Variants in ARHGAP35 observed in about 807,000 individuals in gnomAD.
ARHGAP35 encodes the protein Rho GTPase activating protein 35, also known as rho GTPase-activating protein 35.
Under a neutral mutation model 111.1 loss-of-function variants are expected in ARHGAP35, and 15 were observed. The ratio of observed to expected loss-of-function variants is 0.13; its 90% CI spans 0.09 to 0.21. The LOEUF (loss-of-function observed/expected upper bound fraction) is 0.21, where lower values mean the gene tolerates loss of function less well. Among genes scored for constraint, ARHGAP35 ranks in the 10% least tolerant of loss-of-function variants. ARHGAP35 has a pLI of 1.00. For synonymous variants in ARHGAP35, 643 were observed against 710.3 expected, an observed-to-expected ratio of 0.91 and a Z score of 1.51; for missense variants, 1,262 against 1,873.0, an observed-to-expected ratio of 0.67 and a Z score of 6.02.
At position 46,989,252 on chromosome 19, in the gene ARHGAP35, A is replaced by G. The variant is rs553235111; in HGVS notation, c.3905-292A>G. Reference sequence around the variant, plus strand: ...GAAGAGGCAACAGCATATCAAAGCCAGATGAAGGCAAGCTCCTGGCACCAA... The same window carrying G: ...GAAGAGGCAACAGCATATCAAAGCCGGATGAAGGCAAGCTCCTGGCACCAA... On this transcript the variant is annotated intron_variant, in intron 4 of 6. Transcript: ENST00000672722. This position sits in a 1 kb window ranked among gnomAD's most constrained non-coding sequence, Gnocchi z 5.3. 4 of 306,854 alleles carry G rather than the reference A, an allele frequency of 1.3e-5. No homozygotes were observed. Among genetic ancestry groups the G allele is most frequent in the Middle Eastern group, 1.1e-3 (1 of 942 alleles). The allele number at this position is 306,854 out of a possible 1,614,324, so 19.0% of individuals were successfully genotyped here.
At chr19:46,990,310 C>T (rs916636268) in intron 5 of ARHGAP35, among the ~76,000 whole-genome samples, 2 of 152,212 alleles carry the variant, frequency 1.3e-5, no homozygotes, top group African/African-American at 4.8e-5. Context: ...TTGTTCCTGC[C>T]CCAGCCTGCC....
intron 1 of ARHGAP35, among the ~76,000 whole-genome samples, chr19:46,906,079 G>A (rs1361070538): frequency 2.6e-5 from 4 of 152,040 alleles, no homozygotes; most frequent in African/African-American, 9.7e-5. Context: ...CACTTTGGGA[G>A]GCCAAGGCAA....
intron 3 of ARHGAP35, among the ~76,000 whole-genome samples, chr19:46,983,629 T>C: frequency 6.8e-6 from 1 of 147,468 alleles, no homozygotes; most frequent in Non-Finnish European, 1.5e-5. Context: ...TTTTTTTTTT[T>C]TTGAGACAGA....
At chr19:46,979,968 C>T (rs926131329) in intron 3 of ARHGAP35, among the ~76,000 whole-genome samples, 8 of 152,090 alleles carry the variant, frequency 5.3e-5, no homozygotes, top group South Asian at 2.1e-4. Flanking sequence ...GGGGGAGCTG[C>T]GGGGACTCGT....
chr19:46,902,046 G>A (rs2056085519), intron 1 of ARHGAP35, among the ~76,000 whole-genome samples: 3 of 152,316 alleles, frequency 2.0e-5, no homozygotes, highest in African/African-American at 7.2e-5. Context: ...GGCACTGTAA[G>A]TGGCTTTTTA....
intron 1 of ARHGAP35, among the ~76,000 whole-genome samples, chr19:46,888,902 A>G (rs1280243671): frequency 6.6e-6 from 1 of 151,608 alleles, no homozygotes; most frequent in Non-Finnish European, 1.5e-5. Context: ...CCAGCTACTC[A>G]GGAGGCTGAG....
chr19:46,944,401 C>T (rs2056366738), intron 3 of ARHGAP35, among the ~76,000 whole-genome samples: 1 of 152,068 alleles, frequency 6.6e-6, no homozygotes, highest in Admixed American at 6.6e-5. Flanking sequence ...TCCCAGTCTC[C>T]AGGAGTCATC....
chr19:46,988,175 C>A lies in ARHGAP35; in HGVS notation c.3904+109C>A. ...CGGAGCACTCCTGCCAGCACAGACC[C>A]AAAGCCACGAGGTGCTGAGACTGAG... is the stretch of plus-strand genomic sequence containing the variant. On this transcript the variant is annotated intron_variant, in intron 4 of 6. Coordinates refer to ENST00000672722, the MANE Select transcript of ARHGAP35 (RefSeq NM_004491.5). This position sits in a 1 kb window ranked among gnomAD's most constrained non-coding sequence, Gnocchi z 5.4. The A allele has an allele frequency of 9.6e-7, 1 of 1,039,178 alleles. No individual in the cohort carries two copies. Among genetic ancestry groups the A allele is most frequent in the Non-Finnish European group, 1.4e-6 (1 of 694,614 alleles). 64.4% of individuals were successfully genotyped at this position (1,039,178 alleles called of 1,614,324 possible).
At chr19:46,975,105 C>T (rs749740835) in intron 3 of ARHGAP35, among the ~76,000 whole-genome samples, 2 of 152,046 alleles carry the variant, frequency 1.3e-5, no homozygotes, top group African/African-American at 2.4e-5. Flanking sequence ...CTCCTGACCT[C>T]GTGATCGGCC....
intron 3 of ARHGAP35, among the ~76,000 whole-genome samples, chr19:46,943,116 C>T (rs551941669): frequency 6.6e-6 from 1 of 152,016 alleles, no homozygotes; most frequent in Non-Finnish European, 1.5e-5. Flanking sequence ...TCGTAGCTCA[C>T]GGCAGCCTCT....
chr19:46,952,256 C>CA lies in ARHGAP35; in HGVS notation c.3826+14851dup, dbSNP rs2056416935. Reference sequence around the variant, plus strand: ...ATAGAATATTAAAACTATGAATACTCAAAGTTCTGAATGAGTGTGTCATTT... The same window carrying CA: ...ATAGAATATTAAAACTATGAATACTCAAAAGTTCTGAATGAGTGTGTCATTT... On this transcript the variant is annotated intron_variant, in intron 3 of 6. Transcript: ENST00000672722. Among the ~76,000 whole-genome samples, 6 of 151,982 alleles carry CA rather than the reference C, an allele frequency of 3.9e-5. No homozygotes were observed. The South Asian group carries it at 1.2e-3, about 32-fold the overall frequency.
chr19:46,943,939 C>A (rs949743808), intron 3 of ARHGAP35, among the ~76,000 whole-genome samples: 2 of 152,102 alleles, frequency 1.3e-5, no homozygotes, highest in Non-Finnish European at 2.9e-5. Flanking sequence ...AGGAGGGTGG[C>A]ATAGCCATTG....
chr19:46,919,482 G>T lies in ARHGAP35; in HGVS notation c.807G>T (p.Gln269His). ...AAGCTCTCAAGCAGCAGAGTCAGCA[G>T]ATAGCTACAGCAAAAGACAAGTATG... ...YFEALKQQSQ[Q>H]IATAKDKYEW... Residue 269 changes from glutamine (Q) to histidine (H), a missense_variant, in exon 2 of 7, where the codon CAG (glutamine) becomes CAT (histidine). Physicochemically the swap from Gln to His is conservative, Grantham distance 24. Transcript: ENST00000672722. This position sits in a 1 kb window ranked among gnomAD's most constrained non-coding sequence, Gnocchi z 6.2. 6.2e-7 allele frequency: 1 copy of T among 1,613,976 alleles called. No homozygotes were observed. Among genetic ancestry groups the T allele is most frequent in the Non-Finnish European group, 8.5e-7 (1 of 1,179,882 alleles).
At chr19:46,973,296 G>A (rs1256544978) in intron 3 of ARHGAP35, among the ~76,000 whole-genome samples, 10 of 152,152 alleles carry the variant, frequency 6.6e-5, no homozygotes, top group African/African-American at 2.2e-4. Context: ...CCTGGGAGGC[G>A]GAGGTTGCAG....
chr19:46,997,505 G>A (rs17716371), intron 5 of ARHGAP35: 32,265 of 152,066 alleles, frequency 0.21, 3,812 homozygotes, highest in Non-Finnish European at 0.28. Flanking sequence ...AGGTGTCACC[G>A]AATGAAGGAG....
In ARHGAP35 at chr19:46,874,897, C is replaced by T. The variant is rs1031137637; in HGVS notation, c.-189+13688C>T. Among the ~76,000 whole-genome samples the T allele has an allele frequency of 5.3e-5, 8 of 149,614 alleles. 1 individual carries two copies. Among genetic ancestry groups the T allele is most frequent in the Admixed American group, 1.3e-4 (2 of 14,902 alleles). On this transcript the variant is annotated intron_variant, in intron 1 of 6. Coordinates refer to ENST00000672722, the MANE Select transcript of ARHGAP35 (RefSeq NM_004491.5). ...CTCAGTCTCAGCTCACTGCAACCTCCGCTTCCCGGGTTCAAGCGGTTCTCC... is the reference window on the plus strand; with the variant it reads ...CTCAGTCTCAGCTCACTGCAACCTCTGCTTCCCGGGTTCAAGCGGTTCTCC...
Position 46,989,407 on chromosome 19 carries a change from A to G in ARHGAP35, c.3905-137A>G. On this transcript the variant is annotated intron_variant, in intron 4 of 6. Transcript: ENST00000672722. The surrounding 1 kb of genome is among the most constrained non-coding windows in gnomAD (Gnocchi z 5.3). Reference sequence around the variant, plus strand: ...ACTCGCGTTAGCGCTCACAAGTCCCACCCCTCCAATCCTTGCCAGTCCTGA... The same window carrying G: ...ACTCGCGTTAGCGCTCACAAGTCCCGCCCCTCCAATCCTTGCCAGTCCTGA... 8.7e-7 allele frequency: 1 copy of G among 1,154,740 alleles called. No individual in the cohort carries two copies. The highest frequency in any genetic ancestry group is 1.2e-6 in the Non-Finnish European group (1 of 829,314). 71.5% of individuals were successfully genotyped at this position (1,154,740 alleles called of 1,614,324 possible).
chr19:46,931,619 T>C (rs2056273391), intron 2 of ARHGAP35, among the ~76,000 whole-genome samples: 1 of 152,194 alleles, frequency 6.6e-6, no homozygotes, highest in Non-Finnish European at 1.5e-5. Flanking sequence ...TCAGGTGTGT[T>C]TTTAAGCAAA....
intron 5 of ARHGAP35, among the ~76,000 whole-genome samples, chr19:46,998,680 G>A (rs1599875582): frequency 1.3e-5 from 2 of 152,244 alleles, no homozygotes; most frequent in African/African-American, 4.8e-5. Flanking sequence ...CCAGGCAGTT[G>A]TTTTCCCTCC....
Sources: gnomAD v4.1 joint callset for allele counts (sites outside exome capture counted in the v4.1 genomes callset) on GRCh38, gnomAD v4.1.1 for gene constraint, Gnocchi (gnomAD v3.1) non-coding constraint, MANE v1.5 for transcripts, NCBI Gene and HGNC (gene_info 2026-07-23, HGNC 2026-07-21) for gene names.